PDXDC1: variants seen among roughly 807,000 people sequenced by gnomAD.
PDXDC1 encodes the protein pyridoxal dependent decarboxylase domain containing 1, also known as pyridoxal-dependent decarboxylase domain-containing protein 1.
PDXDC1 carries 42 observed loss-of-function variants against 100.1 expected under a neutral mutation model. That is an observed-to-expected ratio of 0.42 (90% CI 0.33 to 0.54). The LOEUF is 0.54. Ranked by LOEUF, PDXDC1 falls within the 20% of genes least tolerant of loss-of-function variation. The probability of loss-of-function intolerance (pLI) is 0.10; values close to 1 mark genes in which losing one functional copy is unlikely to be tolerated. For missense variants in PDXDC1, 636 were observed against 979.2 expected, an observed-to-expected ratio of 0.65 and a Z score of 4.68; for synonymous variants, 260 against 371.7, an observed-to-expected ratio of 0.70 and a Z score of 3.46.
intron 1 of PDXDC1, among the ~76,000 whole-genome samples, chr16:14,981,196 C>T (rs1369955975): frequency 3.9e-5 from 6 of 152,300 alleles, no homozygotes; most frequent in Admixed American, 1.3e-4. Flanking sequence ...AAATATAATG[C>T]AAACCTTTAC....
At chr16:14,986,401 G>A (rs542336205) in intron 1 of PDXDC1, among the ~76,000 whole-genome samples, 5 of 152,388 alleles carry the variant, frequency 3.3e-5, no homozygotes, top group Admixed American at 2.0e-4. Flanking sequence ...CCCGGGAGGC[G>A]GAGGTTGCAG....
At chr16:15,020,706 G>A (rs558779428) in intron 12 of PDXDC1, among the ~76,000 whole-genome samples, 4 of 152,362 alleles carry the variant, frequency 2.6e-5, no homozygotes, top group South Asian at 4.1e-4. Context: ...AAAATAGGCC[G>A]GGCGTGGTGG....
intron 3 of PDXDC1, among the ~76,000 whole-genome samples, chr16:14,999,506 C>T (rs1464193844): frequency 9.9e-4 from 150 of 152,212 alleles, no homozygotes; most frequent in African/African-American, 1.8e-3. Flanking sequence ...TCAAGGAGTT[C>T]GAGGCCACCC....
intron 12 of PDXDC1, among the ~76,000 whole-genome samples, chr16:15,020,973 TAAAC>T (rs1555562276): frequency 7.4e-6 from 1 of 134,264 alleles, no homozygotes; most frequent in African/African-American, 2.7e-5. Context: ...TGGCACCATC[TAAAC>T]ACACACACAC....
chr16:15,117,641 C>T lies in PDXDC1; in HGVS notation c.1400-21238C>T, dbSNP rs962555625. ...CCAGGAGGTGGAGGTTGCAGTGAGC[C>T]GAGATCACACCATTATACTCCAGCC... On this transcript the variant is annotated intron_variant, in intron 16 of 16. Transcript: ENST00000535621. Among the ~76,000 whole-genome samples, 4 of 121,962 alleles carry T rather than the reference C, an allele frequency of 3.3e-5. 1 individual carries two copies. The highest frequency in any genetic ancestry group is 9.6e-5 in the African/African-American group (3 of 31,266). The allele number at this position is 121,962 out of a possible 152,430, so 80.0% of individuals were successfully genotyped here.
intron 5 of PDXDC1, among the ~76,000 whole-genome samples, chr16:15,006,124 T>G (rs1254501886): frequency 2.6e-5 from 4 of 152,300 alleles, no homozygotes; most frequent in Non-Finnish European, 5.9e-5. Flanking sequence ...GCTTTTTATA[T>G]CTGAGAATTC....
the PDXDC1 span, among the ~76,000 whole-genome samples, chr16:15,152,305 A>C: frequency 1.5e-5 from 2 of 132,320 alleles, no homozygotes; most frequent in Non-Finnish European, 3.4e-5. Flanking sequence ...CTGGACCCTT[A>C]AACACCTGCC....
chr16:15,008,536 C>T (rs1299435588), intron 6 of PDXDC1, among the ~76,000 whole-genome samples: 1 of 151,894 alleles, frequency 6.6e-6, no homozygotes, highest in Non-Finnish European at 1.5e-5. Flanking sequence ...AAGATAATTA[C>T]TTGAATCATT....
chr16:15,054,559 C>T (rs915760660), intron 16 of PDXDC1, among the ~76,000 whole-genome samples: 3 of 152,308 alleles, frequency 2.0e-5, no homozygotes, highest in Admixed American at 2.0e-4. Flanking sequence ...GACACGCCAC[C>T]ACGCCTAGCT....
intron 16 of PDXDC1, among the ~76,000 whole-genome samples, chr16:15,071,447 G>A (rs1214177340): frequency 1.3e-5 from 2 of 152,166 alleles, no homozygotes; most frequent in African/African-American, 4.8e-5. Context: ...AAATAATCCA[G>A]TGGATCCCAA....
At chr16:15,053,504 G>C (rs1253212133) in intron 16 of PDXDC1, among the ~76,000 whole-genome samples, 1 of 152,068 alleles carries the variant, frequency 6.6e-6, no homozygotes, top group Non-Finnish European at 1.5e-5. Context: ...TATATACAAA[G>C]AAAAACCTTC....
At chr16:15,114,944 T>A (rs1443054841) in intron 16 of PDXDC1, among the ~76,000 whole-genome samples, 1 of 148,052 alleles carries the variant, frequency 6.8e-6, no homozygotes, top group African/African-American at 2.5e-5. Flanking sequence ...TTTTTTTTTT[T>A]TTTTGAGACA....
chr16:15,070,747 G>T (rs1028617655), intron 16 of PDXDC1, among the ~76,000 whole-genome samples: 1 of 151,802 alleles, frequency 6.6e-6, no homozygotes, highest in Non-Finnish European at 1.5e-5. Context: ...TCCTAGATAG[G>T]TCTATTACCT....
chr16:15,125,488 AC>A, intron 16 of PDXDC1: 5 of 1,182,210 alleles, frequency 4.2e-6, no homozygotes, highest in Non-Finnish European at 6.3e-6. Context: ...CAGCCCGCAC[AC>A]CCCCGGTACT....
chr16:15,027,473 C>G (rs1294937743), intron 14 of PDXDC1, among the ~76,000 whole-genome samples: 2 of 152,286 alleles, frequency 1.3e-5, no homozygotes, highest in Non-Finnish European at 2.9e-5. Flanking sequence ...ATCACAAGGA[C>G]AGAGGGATTA....
intron 16 of PDXDC1, among the ~76,000 whole-genome samples, chr16:15,062,124 G>C (rs1026197297): frequency 5.3e-5 from 8 of 152,194 alleles, no homozygotes; most frequent in South Asian, 2.1e-4. Flanking sequence ...AATCCAGCCT[G>C]GGCAACATAG....
chr16:14,977,066 C>T (rs532380358), intron 1 of PDXDC1, among the ~76,000 whole-genome samples: 1 of 152,384 alleles, frequency 6.6e-6, no homozygotes, highest in East Asian at 1.9e-4. Context: ...GTAGTTGCTC[C>T]CTAAGTGTTA....
intron 16 of PDXDC1, among the ~76,000 whole-genome samples, chr16:15,064,445 G>A (rs1397832142): frequency 1.3e-5 from 2 of 152,158 alleles, no homozygotes; most frequent in East Asian, 3.8e-4. Flanking sequence ...AAAGTGCTGG[G>A]ATTACAGGCA....
At chr16:15,125,542 G>A (rs1025229555) in intron 16 of PDXDC1, 5 of 1,588,778 alleles carry the variant, frequency 3.1e-6, no homozygotes, top group East Asian at 2.2e-5. Flanking sequence ...TTTCTCTAGG[G>A]GAACCCACCT....
Sources: gnomAD v4.1 joint callset for allele counts (sites outside exome capture counted in the v4.1 genomes callset) on GRCh38, gnomAD v4.1.1 for gene constraint, MANE v1.5 for transcripts, NCBI Gene and HGNC (gene_info 2026-07-23, HGNC 2026-07-21) for gene names.